The following CNTN3 variants were observed in gnomAD, a reference collection of about 807,000 sequenced individuals.
The protein encoded by CNTN3 is contactin 3, also known as contactin-3.
A neutral mutation model predicts 119.1 loss-of-function variants in CNTN3; 60 were observed. That is an observed-to-expected ratio of 0.50 (90% CI 0.41 to 0.62). The LOEUF is 0.62. Ranked by LOEUF, CNTN3 falls within the 20% of genes least tolerant of loss-of-function variation. CNTN3 has a pLI of 0.00. For missense variants in CNTN3, 1,101 were observed against 1,242.4 expected (o/e 0.89, Z 1.71); for synonymous variants, 450 against 438.7 (o/e 1.03, Z -0.32).
intron 11 of CNTN3, among the ~76,000 whole-genome samples, chr3:74,346,941 C>T (rs1703705646): frequency 6.6e-6 from 1 of 152,038 alleles, no homozygotes; most frequent in African/African-American, 2.4e-5. Context: ...GAAATAGTCG[C>T]AATAAATTAA....
intron 13 of CNTN3, among the ~76,000 whole-genome samples, chr3:74,311,446 T>G (rs1392668307): frequency 6.6e-6 from 1 of 152,192 alleles, no homozygotes; most frequent in Non-Finnish European, 1.5e-5. Context: ...TACATAAAAA[T>G]AATTTAGAAA....
In CNTN3 at chr3:74,338,513, CAT is replaced by C. The variant is rs754672285; in HGVS notation, c.1365-1857_1365-1856del. Among the ~76,000 whole-genome samples the C allele has an allele frequency of 2.5e-3, 383 of 151,650 alleles. 2 individuals are homozygous for C. Among genetic ancestry groups the C allele is most frequent in the Non-Finnish European group, 4.1e-3 (279 of 67,884 alleles). On this transcript the variant is annotated intron_variant, in intron 11 of 22. Coordinates refer to ENST00000263665, the MANE Select transcript of CNTN3 (RefSeq NM_020872.3). ...ACACGTGCGTGTGTGTGTGTATACA[CAT>C]ATGTGTGTATATATCTCTCTCCATA...
chr3:74,423,446 C>G (rs1317176450), intron 5 of CNTN3, among the ~76,000 whole-genome samples: 1 of 152,102 alleles, frequency 6.6e-6, no homozygotes, highest in South Asian at 2.1e-4. Flanking sequence ...GCAAGTGTCT[C>G]TCTGCAGCTG....
chr3:74,365,912 T>C (rs952310398), intron 8 of CNTN3, among the ~76,000 whole-genome samples: 2 of 152,114 alleles, frequency 1.3e-5, no homozygotes, highest in Admixed American at 6.6e-5. Flanking sequence ...AGGATGGAAG[T>C]TGCAATCTGT....
chr3:74,522,204 T>C (rs922086979), intron 1 of CNTN3, among the ~76,000 whole-genome samples: 13 of 151,874 alleles, frequency 8.6e-5, no homozygotes, highest in African/African-American at 2.9e-4. Flanking sequence ...CTTAAAATAA[T>C]ATGTTAAGTC....
chr3:74,548,329 T>A (rs1398289817), intron 1 of CNTN3, among the ~76,000 whole-genome samples: 1 of 152,192 alleles, frequency 6.6e-6, no homozygotes, highest in Non-Finnish European at 1.5e-5. Context: ...TGGGTTTTGA[T>A]AGTTTTTGGT....
At chr3:74,459,547 A>G (rs1289416778) in intron 4 of CNTN3, among the ~76,000 whole-genome samples, 2 of 151,932 alleles carry the variant, frequency 1.3e-5, no homozygotes, top group Admixed American at 6.6e-5. Context: ...AATCTCTGTA[A>G]ATTCTAGGGT....
At chr3:74,569,413 G>T (rs1270539123) in intron 1 of CNTN3, among the ~76,000 whole-genome samples, 1 of 152,010 alleles carries the variant, frequency 6.6e-6, no homozygotes, top group Non-Finnish European at 1.5e-5. Context: ...TCTTGCTATT[G>T]AGCATTTTCA....
Position 74,541,175 on chromosome 3 carries a change from C to T in CNTN3, c.-80-19983G>A, listed in dbSNP as rs374664310. Among the ~76,000 whole-genome samples, 390 of 152,212 alleles carry T rather than the reference C, an allele frequency of 2.6e-3. 2 individuals carry two copies. The highest frequency in any genetic ancestry group is 0.024 in the South Asian group (116 of 4,824). ...ACCATGTTGGAAAACATCGTGCCATCGCCATTTTCATGCTGAAATGGCATA... is the reference window on the plus strand; with the variant it reads ...ACCATGTTGGAAAACATCGTGCCATTGCCATTTTCATGCTGAAATGGCATA... On this transcript the variant is annotated intron_variant, in intron 1 of 22. Coordinates refer to ENST00000263665, the MANE Select transcript of CNTN3 (RefSeq NM_020872.3).
In CNTN3 at chr3:74,474,279, C is replaced by A. The variant is rs146834315; in HGVS notation, c.358+12177G>T. 6.2e-3 allele frequency among the ~76,000 whole-genome samples: 939 copies of A among 152,116 alleles called. 14 individuals are homozygous for A. Among genetic ancestry groups the A allele is most frequent in the African/African-American group, 0.022 (897 of 41,506 alleles). Reference sequence around the variant, plus strand: ...ACATGGCTCTCAGTTTGGATCTGAACAACACAACAAATGTGCCCTCTTACC... The same window carrying A: ...ACATGGCTCTCAGTTTGGATCTGAAAAACACAACAAATGTGCCCTCTTACC... On this transcript the variant is annotated intron_variant, in intron 4 of 22. Coordinates refer to ENST00000263665, the MANE Select transcript of CNTN3 (RefSeq NM_020872.3).
At chr3:74,610,790 G>A (rs1350298247) in intron 1 of CNTN3, among the ~76,000 whole-genome samples, 2 of 152,048 alleles carry the variant, frequency 1.3e-5, no homozygotes, top group Non-Finnish European at 2.9e-5. Flanking sequence ...GAACATGGAG[G>A]GAAGTGGGCG....
rs150817452 is a variant in CNTN3, at chr3:74,494,407, C to A, written c.182+5252G>T. Among the ~76,000 whole-genome samples the A allele has an allele frequency of 1.3e-3, 200 of 152,138 alleles. 3 individuals carry two copies. The East Asian group carries it at 0.037, about 28-fold the overall frequency. ...GGGTATTGACTACTGACAGGATTAG[C>A]TTCATTTTTATTTCACATTTTTCTG... On this transcript the variant is annotated intron_variant, in intron 3 of 22. Coordinates refer to ENST00000263665, the MANE Select transcript of CNTN3 (RefSeq NM_020872.3).
At chr3:74,315,303 ATC>A (rs1702802594) in intron 13 of CNTN3, among the ~76,000 whole-genome samples, 1 of 152,182 alleles carries the variant, frequency 6.6e-6, no homozygotes, top group South Asian at 2.1e-4. Flanking sequence ...AAAAATAGTT[ATC>A]CAGCAGATCT....
chr3:74,333,883 A>G (rs1417778889), intron 13 of CNTN3, among the ~76,000 whole-genome samples: 1 of 152,202 alleles, frequency 6.6e-6, no homozygotes, highest in Non-Finnish European at 1.5e-5. Context: ...TGTGAAGTCC[A>G]TAATTGACAA....
intron 19 of CNTN3, among the ~76,000 whole-genome samples, chr3:74,292,585 T>C (rs1333425672): frequency 6.6e-6 from 1 of 152,054 alleles, no homozygotes; most frequent in Non-Finnish European, 1.5e-5. Context: ...AATAGATAGA[T>C]AAATAAATAA....
In CNTN3 at chr3:74,452,140, C is replaced by T. The variant is rs898781303; in HGVS notation, c.359-27200G>A. On this transcript the variant is annotated intron_variant, in intron 4 of 22. Transcript: ENST00000263665. Reference sequence around the variant, plus strand: ...ATTTTCATGATATTGATTCTTCCTACCCATGAGCATGGAATGTTCTTCCAT... The same window carrying T: ...ATTTTCATGATATTGATTCTTCCTATCCATGAGCATGGAATGTTCTTCCAT... Among the ~76,000 whole-genome samples the T allele has an allele frequency of 1.2e-3, 173 of 142,682 alleles. 1 individual carries two copies. The highest frequency in any genetic ancestry group is 7.0e-3 in the Middle Eastern group (2 of 284). The allele number at this position is 142,682 out of a possible 152,430, so 93.6% of individuals were successfully genotyped here.
At chr3:74,413,372 G>A (rs962205595) in intron 5 of CNTN3, among the ~76,000 whole-genome samples, 3 of 152,168 alleles carry the variant, frequency 2.0e-5, no homozygotes, top group Admixed American at 6.5e-5. Flanking sequence ...AATTTCATAC[G>A]AATAGTGAAA....
At chr3:74,288,648 A>G (rs1400137518) in intron 19 of CNTN3, among the ~76,000 whole-genome samples, 1 of 152,180 alleles carries the variant, frequency 6.6e-6, no homozygotes, top group South Asian at 2.1e-4. Context: ...ATCATTTCAC[A>G]AGCGTAGACT....
At chr3:74,426,187 G>T (rs1416362982) in intron 4 of CNTN3, among the ~76,000 whole-genome samples, 1 of 151,904 alleles carries the variant, frequency 6.6e-6, no homozygotes. Flanking sequence ...GAGGAAGAAA[G>T]ATCTGTTTCT....
Sources: gnomAD v4.1 joint callset for allele counts (sites outside exome capture counted in the v4.1 genomes callset) on GRCh38, gnomAD v4.1.1 for gene constraint, MANE v1.5 for transcripts, NCBI Gene and HGNC (gene_info 2026-07-23, HGNC 2026-07-21) for gene names.